Variants in IGSF3 observed in about 807,000 individuals in gnomAD.
IGSF3 encodes the protein glu-Trp-Ile EWI motif-containing protein 3.
In IGSF3, 23 loss-of-function variants were observed where a neutral mutation model predicts 114.4. The observed-to-expected ratio is 0.20, with a 90% CI of 0.14 to 0.28. The LOEUF (loss-of-function observed/expected upper bound fraction) is 0.28. Ranked by LOEUF, IGSF3 falls within the 10% of genes least tolerant of loss-of-function variation. The pLI is 1.00. For synonymous variants in IGSF3, 571 were observed against 645.2 expected (o/e 0.88, Z 1.74); for missense variants, 1,172 against 1,591.5 (o/e 0.74, Z 4.48).
chr1:116,616,157 G>A lies in IGSF3; in HGVS notation c.344C>T (p.Ala115Val). The change falls in exon 3 of 11, where the codon GCC (alanine) becomes GTC (valine). Residue 115 changes from alanine (A) to valine (V), a missense_variant. Ala to Val is a moderately conservative substitution (Grantham distance 64, BLOSUM62 0). Coordinates refer to ENST00000369486, the MANE Select transcript of IGSF3 (RefSeq NM_001007237.3). This position sits in a 1 kb window ranked among gnomAD's most constrained non-coding sequence, Gnocchi z 6.6. ...GGGTGTGTGGCATTCATACTCCCCGGCATCCCGGGCCTGAAGATCTGTGAT... is the reference window on the plus strand; with the variant it reads ...GGGTGTGTGGCATTCATACTCCCCGACATCCCGGGCCTGAAGATCTGTGAT... Reference protein sequence around the residue: ...LHITDLQARDAGEYECHTPST... With the variant: ...LHITDLQARDVGEYECHTPST... The A allele has an allele frequency of 6.2e-7, 1 of 1,613,816 alleles. No homozygotes were observed.
rs993345719 is a variant in IGSF3 at position 116,627,602 on chromosome 1, G to A, written c.44-11145C>T. ...GGGCCCTGCTGACAACAGGCCGGGA[G>A]CGCATCTGCAGGCAGCGTCAGGATG... On this transcript the variant is annotated intron_variant, in intron 2 of 10. Coordinates refer to ENST00000369486, the MANE Select transcript of IGSF3 (RefSeq NM_001007237.3). This position sits in a 1 kb window ranked among gnomAD's most constrained non-coding sequence, Gnocchi z 4.7. 2.0e-5 allele frequency among the ~76,000 whole-genome samples: 3 copies of A among 152,238 alleles called. No individual in the cohort carries two copies. The highest frequency in any genetic ancestry group is 7.2e-5 in the African/African-American group (3 of 41,458).
rs1660229233 is a variant in IGSF3, at chr1:116,593,868, G to A, written c.2030-4764C>T. Among the ~76,000 whole-genome samples, 1 of 152,146 alleles carries A rather than the reference G, an allele frequency of 6.6e-6. No individual in the cohort carries two copies. On this transcript the variant is annotated intron_variant, in intron 7 of 10. Coordinates refer to ENST00000369486, the MANE Select transcript of IGSF3 (RefSeq NM_001007237.3). The surrounding 1 kb of genome is among the most constrained non-coding windows in gnomAD (Gnocchi z 4.5). ...ATTTGGGGAGGGGTATATATTCAAT[G>A]GAATAAAGCCATTAAAGATGTAAAA...
chr1:116,640,564 T>G (rs1648044392), intron 2 of IGSF3, among the ~76,000 whole-genome samples: 1 of 152,246 alleles, frequency 6.6e-6, no homozygotes, highest in Non-Finnish European at 1.5e-5. Flanking sequence ...TTGCATCTTT[T>G]TTTATTGACA....
chr1:116,619,809 G>A (rs1661354797), intron 2 of IGSF3, among the ~76,000 whole-genome samples: 1 of 151,674 alleles, frequency 6.6e-6, no homozygotes, highest in Non-Finnish European at 1.5e-5. Context: ...TAGACATTCT[G>A]TACTCTTTGG....
At position 116,649,749 on chromosome 1, in the gene IGSF3, C is replaced by T. The variant is rs971610072; in HGVS notation, c.43+16535G>A. Among the ~76,000 whole-genome samples, 6 of 152,250 alleles carry T rather than the reference C, an allele frequency of 3.9e-5. No homozygotes were observed. Among genetic ancestry groups the T allele is most frequent in the African/African-American group, 1.4e-4 (6 of 41,468 alleles). ...TATCCTTCTTCCCAAGGCCCACTTTCATTCCTTTCTCCCCTGTTCATAAGC... is the reference window on the plus strand; with the variant it reads ...TATCCTTCTTCCCAAGGCCCACTTTTATTCCTTTCTCCCCTGTTCATAAGC... On this transcript the variant is annotated intron_variant, in intron 2 of 10. Transcript: ENST00000369486. This position sits in a 1 kb window ranked among gnomAD's most constrained non-coding sequence, Gnocchi z 4.5.
chr1:116,579,428 C>T lies in IGSF3; in HGVS notation c.3298G>A (p.Glu1100Lys). The change falls in exon 10 of 11, where the codon GAG (glutamate) becomes AAG (lysine). Residue 1100 changes from glutamate (E) to lysine (K), a missense_variant. Physicochemically the swap from Glu to Lys is moderately conservative, Grantham distance 56 (BLOSUM62 1). Around this residue, in one of 3 missense-constraint regions of IGSF3, gnomAD observed 423 missense variants for 509.8 expected, o/e 0.83. Coordinates refer to ENST00000369486, the MANE Select transcript of IGSF3 (RefSeq NM_001007237.3). This position sits in a 1 kb window ranked among gnomAD's most constrained non-coding sequence, Gnocchi z 6.4. Reference sequence around the variant, plus strand: ...ACACGGATGCCGATGGGGGCTGACTCCTCCTCCGTCAGCCGGTACCATTCC... The same window carrying T: ...ACACGGATGCCGATGGGGGCTGACTTCTCCTCCGTCAGCCGGTACCATTCC... ...QKEWYRLTEE[E>K]SAPIGIRVLD... is the part of the protein sequence containing the mutation. 1.9e-6 allele frequency: 3 copies of T among 1,599,804 alleles called. No homozygotes were observed. The highest frequency in any genetic ancestry group is 2.2e-5 in the East Asian group (1 of 44,678).
Position 116,607,867 on chromosome 1 carries a change from C to T in IGSF3, c.1222+75G>A, listed in dbSNP as rs1660848758. ...TCTGCCTCCCCTCACCTTCACCACG[C>T]TATTCTCTCTCCCCCTACCTCTCCT... On this transcript the variant is annotated intron_variant, in intron 5 of 10. Transcript: ENST00000369486. This position sits in a 1 kb window ranked among gnomAD's most constrained non-coding sequence, Gnocchi z 6.1. The T allele has an allele frequency of 1.4e-6, 2 of 1,436,336 alleles. No homozygotes were observed. Among genetic ancestry groups the T allele is most frequent in the Non-Finnish European group, 1.9e-6 (2 of 1,037,490 alleles). The allele number at this position is 1,436,336 out of a possible 1,614,324, so 89.0% of individuals were successfully genotyped here. A position where few individuals can be genotyped will look rare whatever the true frequency, so the allele number is the denominator to read the frequency against.
In IGSF3 at chr1:116,666,496, G is replaced by A. The variant is rs149898099; in HGVS notation, c.-170C>T. 1.2e-3 allele frequency: 826 copies of A among 665,686 alleles called. 10 individuals are homozygous for A. In the African/African-American group the frequency reaches 0.014, roughly 11 times the overall value. 41.2% of individuals were successfully genotyped at this position (665,686 alleles called of 1,614,324 possible). A position where few individuals can be genotyped will look rare whatever the true frequency, so the allele number is the denominator to read the frequency against. ...AGAGATCAGAAGGAGGGAGTTGGGG[G>A]GAAGGGGAGGAGTGGAGGCAAGTGT... On this transcript the variant is annotated 5_prime_UTR_variant, in exon 2 of 11. Transcript: ENST00000369486.
chr1:116,577,217 G>T lies in IGSF3; in HGVS notation c.*95C>A. On this transcript the variant is annotated 3_prime_UTR_variant, in exon 11 of 11. Coordinates refer to ENST00000369486, the MANE Select transcript of IGSF3 (RefSeq NM_001007237.3). This position sits in a 1 kb window ranked among gnomAD's most constrained non-coding sequence, Gnocchi z 5.7. The stretch of plus-strand genomic sequence containing the variant: ...AAGTCTGACAACTTTCCACACACAT[G>T]CACCCCAGAGTTTGGGTGCTGTCAA... 1 of 1,385,518 alleles carries T rather than the reference G, an allele frequency of 7.2e-7. No homozygotes were observed. The highest frequency in any genetic ancestry group is 9.9e-7 in the Non-Finnish European group (1 of 1,013,136). The allele number at this position is 1,385,518 out of a possible 1,614,324, so 85.8% of individuals were successfully genotyped here.
rs761336924 is a variant in IGSF3 at position 116,584,589 on chromosome 1, T to C, written c.2848+56A>G. On this transcript the variant is annotated intron_variant, in intron 9 of 10. Coordinates refer to ENST00000369486, the MANE Select transcript of IGSF3 (RefSeq NM_001007237.3). This position sits in a 1 kb window ranked among gnomAD's most constrained non-coding sequence, Gnocchi z 5.8. ...TAATTTTATCCAGTGCATAAAACAGTATACTTAAATGGGAAACACCAGAGG... is the reference window on the plus strand; with the variant it reads ...TAATTTTATCCAGTGCATAAAACAGCATACTTAAATGGGAAACACCAGAGG... 1.3e-6 allele frequency: 2 copies of C among 1,546,128 alleles called. No homozygotes were observed. The highest frequency in any genetic ancestry group is 1.8e-6 in the Non-Finnish European group (2 of 1,119,732).
At position 116,665,806 on chromosome 1, in the gene IGSF3, A is replaced by G. The variant is rs1649307414; in HGVS notation, c.43+478T>C. 6.6e-6 allele frequency among the ~76,000 whole-genome samples: 1 copy of G among 151,850 alleles called. No individual in the cohort carries two copies. The highest frequency in any genetic ancestry group is 1.5e-5 in the Non-Finnish European group (1 of 67,964). On this transcript the variant is annotated intron_variant, in intron 2 of 10. Transcript: ENST00000369486. This position sits in a 1 kb window ranked among gnomAD's most constrained non-coding sequence, Gnocchi z 4.0. ...CTCAGGTAGGCAAAGCATCCCTTCA[A>G]CCCCCATCCCACTTACTCCCATTTC...
intron 2 of IGSF3, among the ~76,000 whole-genome samples, chr1:116,653,416 A>G (rs1202340811): frequency 6.6e-6 from 1 of 152,214 alleles, no homozygotes; most frequent in Non-Finnish European, 1.5e-5. Context: ...TCTCTCAGTT[A>G]CTTACTTCCC....
chr1:116,658,851 T>C (rs1043150907), intron 2 of IGSF3, among the ~76,000 whole-genome samples: 11 of 152,146 alleles, frequency 7.2e-5, no homozygotes, highest in African/African-American at 2.7e-4. Context: ...CCTGTCAGTG[T>C]CCTCCTGTCC....
chr1:116,649,184 C>T lies in IGSF3; in HGVS notation c.43+17100G>A, dbSNP rs561317688. On this transcript the variant is annotated intron_variant, in intron 2 of 10. Coordinates refer to ENST00000369486, the MANE Select transcript of IGSF3 (RefSeq NM_001007237.3). This position sits in a 1 kb window ranked among gnomAD's most constrained non-coding sequence, Gnocchi z 4.5. ...AGGACAGCCCTCCCCGTCTTGGCAGCCACACTTTCTGGCCCTAGCCCAAGG... is the reference window on the plus strand; with the variant it reads ...AGGACAGCCCTCCCCGTCTTGGCAGTCACACTTTCTGGCCCTAGCCCAAGG... Among the ~76,000 whole-genome samples the T allele has an allele frequency of 6.6e-6, 1 of 152,376 alleles. No individual in the cohort carries two copies. The highest frequency in any genetic ancestry group is 1.9e-4 in the East Asian group (1 of 5,182).
intron 7 of IGSF3, among the ~76,000 whole-genome samples, chr1:116,591,348 A>C (rs979434723): frequency 6.6e-6 from 1 of 152,152 alleles, no homozygotes; most frequent in African/African-American, 2.4e-5. Flanking sequence ...GGCCAAAAAA[A>C]CTGGGTTGTT....
At position 116,577,972 on chromosome 1, in the gene IGSF3, G is replaced by T. The variant is rs1360709564; in HGVS notation, c.3335-410C>A. 6.6e-6 allele frequency among the ~76,000 whole-genome samples: 1 copy of T among 152,128 alleles called. No homozygotes were observed. The highest frequency in any genetic ancestry group is 2.4e-5 in the African/African-American group (1 of 41,416). Reference sequence around the variant, plus strand: ...TTCTGCTACAGACTTCCTTCTCTGGGATTATGACACAATCCCTTCCTGCCA... The same window carrying T: ...TTCTGCTACAGACTTCCTTCTCTGGTATTATGACACAATCCCTTCCTGCCA... On this transcript the variant is annotated intron_variant, in intron 10 of 10. Coordinates refer to ENST00000369486, the MANE Select transcript of IGSF3 (RefSeq NM_001007237.3). This position sits in a 1 kb window ranked among gnomAD's most constrained non-coding sequence, Gnocchi z 5.7.
chr1:116,659,763 G>A (rs2101084446), intron 2 of IGSF3, among the ~76,000 whole-genome samples: 1 of 152,260 alleles, frequency 6.6e-6, no homozygotes, highest in African/African-American at 2.4e-5. Flanking sequence ...CTACAGGTGT[G>A]TACCACCATG....
chr1:116,601,440 CCT>C (rs1213799976), intron 6 of IGSF3, among the ~76,000 whole-genome samples: 2 of 152,068 alleles, frequency 1.3e-5, no homozygotes, highest in Non-Finnish European at 2.9e-5. Flanking sequence ...CTTCTCTCTG[CCT>C]CTGTTTTCCA....
chr1:116,609,836 G>A (rs1006928349), intron 4 of IGSF3, among the ~76,000 whole-genome samples: 6 of 152,100 alleles, frequency 3.9e-5, no homozygotes, highest in African/African-American at 1.2e-4. Flanking sequence ...TGCATAAGCA[G>A]CATCCACATT....
Sources: allele counts gnomAD v4.1 joint callset (sites outside exome capture counted in the v4.1 genomes callset), GRCh38; gene constraint gnomAD v4.1.1; regional missense constraint gnomAD v4.1.1; non-coding constraint Gnocchi (gnomAD v3.1); transcripts MANE v1.5; gene names NCBI Gene and HGNC (gene_info 2026-07-23, HGNC 2026-07-21).